PTPRD: variants seen among roughly 807,000 people sequenced by gnomAD.
The protein encoded by PTPRD is protein tyrosine phosphatase receptor type D.
A neutral mutation model predicts 214.5 loss-of-function variants in PTPRD; 34 were observed. The ratio of observed to expected loss-of-function variants is 0.16; its 90% confidence interval spans 0.12 to 0.21. PTPRD has a LOEUF of 0.21. PTPRD is among the 10% of genes least tolerant of loss of function. The pLI is 1.00. For synonymous variants in PTPRD, 1,128 were observed against 845.7 expected (o/e 1.33, Z -5.79); for missense variants, 2,545 against 2,398.7 (o/e 1.06, Z -1.27).
intron 3 of PTPRD, among the ~76,000 whole-genome samples, chr9:10,292,375 C>T (rs1040391464): frequency 5.3e-5 from 8 of 152,014 alleles, no homozygotes; most frequent in Non-Finnish European, 8.8e-5. Context: ...TTCCTGACAT[C>T]ACCCTTATAA....
intron 7 of PTPRD, among the ~76,000 whole-genome samples, chr9:9,686,760 A>G (rs1354664437): frequency 6.6e-6 from 1 of 151,822 alleles, no homozygotes; most frequent in African/African-American, 2.4e-5. Context: ...TACATTGTGT[A>G]CATATATACA....
intron 3 of PTPRD, among the ~76,000 whole-genome samples, chr9:10,045,337 G>A (rs866908323): frequency 1.3e-5 from 2 of 151,680 alleles, no homozygotes; most frequent in Middle Eastern, 3.4e-3. Flanking sequence ...CAGTGACATA[G>A]AACTGAATTC....
At chr9:9,106,079 T>C (rs913129476) in intron 10 of PTPRD, among the ~76,000 whole-genome samples, 1 of 152,132 alleles carries the variant, frequency 6.6e-6, no homozygotes, top group African/African-American at 2.4e-5. Context: ...AGGTTGAACA[T>C]GGCAACTACA....
At chr9:9,075,855 G>A (rs963019616) in intron 10 of PTPRD, among the ~76,000 whole-genome samples, 5 of 152,116 alleles carry the variant, frequency 3.3e-5, no homozygotes, top group Non-Finnish European at 2.9e-5. Context: ...ATTGTGAATA[G>A]TGCCGCAATA....
At chr9:8,602,902 C>T (rs1429483276) in intron 14 of PTPRD, among the ~76,000 whole-genome samples, 1 of 152,160 alleles carries the variant, frequency 6.6e-6, no homozygotes, top group Non-Finnish European at 1.5e-5. Context: ...CTAATTCATT[C>T]ATCTGCATAA....
chr9:9,931,536 C>T (rs2086566134), intron 5 of PTPRD, among the ~76,000 whole-genome samples: 1 of 152,176 alleles, frequency 6.6e-6, no homozygotes, highest in Admixed American at 6.5e-5. Context: ...AAAAACAGTG[C>T]ACCAGGAGAT....
At chr9:9,922,886 G>C (rs1017760431) in intron 5 of PTPRD, among the ~76,000 whole-genome samples, 2 of 152,084 alleles carry the variant, frequency 1.3e-5, no homozygotes, top group East Asian at 3.9e-4. Context: ...TTCTAGGTTG[G>C]ACTCCATGCT....
At chr9:8,930,324 G>C (rs1163518495) in intron 11 of PTPRD, among the ~76,000 whole-genome samples, 11 of 151,996 alleles carry the variant, frequency 7.2e-5, no homozygotes, top group Non-Finnish European at 1.3e-4. Flanking sequence ...GTATTCCATG[G>C]TGTATATGTG....
Position 9,054,402 on chromosome 9 carries a change from T to G in PTPRD, c.-142-35667A>C, listed in dbSNP as rs191868885. ...AAATTTTTTGGTATTATTCAGTGAG[T>G]GCTTCTTCCTGAATAAATGAAACAT... On this transcript the variant is annotated intron_variant, in intron 10 of 45. Transcript: ENST00000381196. Among the ~76,000 whole-genome samples, 505 of 152,306 alleles carry G rather than the reference T, an allele frequency of 3.3e-3. 2 individuals carry two copies. Among genetic ancestry groups the G allele is most frequent in the Non-Finnish European group, 4.4e-3 (300 of 68,016 alleles).
At chr9:8,742,048 G>A (rs1036141240) in intron 11 of PTPRD, among the ~76,000 whole-genome samples, 1 of 152,026 alleles carries the variant, frequency 6.6e-6, no homozygotes, top group Non-Finnish European at 1.5e-5. Context: ...TTATGCACCT[G>A]TTCCAAAATT....
chr9:9,474,532 G>A (rs546936476), intron 8 of PTPRD, among the ~76,000 whole-genome samples: 19 of 151,896 alleles, frequency 1.3e-4, no homozygotes, highest in East Asian at 3.9e-4. Context: ...TGCTTTGGTC[G>A]TTACGGTAAT....
At chr9:9,555,065 G>A (rs1478416968) in intron 8 of PTPRD, among the ~76,000 whole-genome samples, 1 of 152,022 alleles carries the variant, frequency 6.6e-6, no homozygotes, top group East Asian at 1.9e-4. Flanking sequence ...TCTAAAAGTG[G>A]TTTGTTTAAA....
At chr9:10,295,543 T>C (rs973740023) in intron 3 of PTPRD, among the ~76,000 whole-genome samples, 1 of 152,120 alleles carries the variant, frequency 6.6e-6, no homozygotes, top group African/African-American at 2.4e-5. Context: ...CTCCCTTCTC[T>C]GTGATTACAC....
At chr9:8,757,631 T>C (rs10977281) in intron 11 of PTPRD, among the ~76,000 whole-genome samples, 76,282 of 146,456 alleles carry the variant, frequency 0.52, 20,375 homozygotes, top group South Asian at 0.6. Flanking sequence ...CATATATATA[T>C]ATATATATAT....
At chr9:9,827,979 G>A (rs1273229348) in intron 5 of PTPRD, among the ~76,000 whole-genome samples, 1 of 152,088 alleles carries the variant, frequency 6.6e-6, no homozygotes, top group African/African-American at 2.4e-5. Context: ...AGTTAGAATG[G>A]CGATCGTTAA....
intron 5 of PTPRD, among the ~76,000 whole-genome samples, chr9:9,876,342 A>G (rs138837971): frequency 6.0e-4 from 92 of 152,330 alleles, no homozygotes; most frequent in African/African-American, 2.1e-3. Flanking sequence ...AATACTTTGA[A>G]AGACTCTTTT....
intron 4 of PTPRD, among the ~76,000 whole-genome samples, chr9:9,990,937 C>CTTTTT (rs5896359): frequency 1.4e-5 from 2 of 141,664 alleles, no homozygotes; most frequent in African/African-American, 2.6e-5. Context: ...GTAAAATAGT[C>CTTTTT]TTTTTTTTTT....
intron 3 of PTPRD, among the ~76,000 whole-genome samples, chr9:10,259,586 G>A (rs1339989485): frequency 6.6e-6 from 1 of 152,168 alleles, no homozygotes; most frequent in African/African-American, 2.4e-5. Flanking sequence ...AAAAGTGTCA[G>A]TGGTGATGAT....
chr9:8,651,172 T>C (rs1323528469), intron 12 of PTPRD, among the ~76,000 whole-genome samples: 3 of 152,236 alleles, frequency 2.0e-5, no homozygotes, highest in Non-Finnish European at 4.4e-5. Context: ...AAGATGATTA[T>C]GAGAAAAGCG....
Sources: allele counts gnomAD v4.1 joint callset (sites outside exome capture counted in the v4.1 genomes callset), GRCh38; gene constraint gnomAD v4.1.1; transcripts MANE v1.5; gene names NCBI Gene and HGNC (gene_info 2026-07-23, HGNC 2026-07-21).